The following IKZF1 variants were observed in gnomAD, a reference collection of about 807,000 sequenced individuals.
IKZF1 encodes the protein DNA-binding protein Ikaros.
In IKZF1, 10 loss-of-function variants were observed where a neutral mutation model predicts 51.7. That is an observed-to-expected ratio of 0.19 (90% CI 0.12 to 0.33). The LOEUF (loss-of-function observed/expected upper bound fraction) is 0.33, where lower values mean the gene tolerates loss of function less well. IKZF1 is among the 10% of genes least tolerant of loss of function. The pLI is 1.00. For missense variants in IKZF1, 484 were observed against 707.5 expected (o/e 0.68, Z 3.58); for synonymous variants, 280 against 282.3 (o/e 0.99, Z 0.08).
At chr7:50,318,169 A>G (rs988474024) in intron 1 of IKZF1, among the ~76,000 whole-genome samples, 1 of 151,940 alleles carries the variant, frequency 6.6e-6, no homozygotes, top group East Asian at 1.9e-4. Flanking sequence ...GCGAAAACAC[A>G]GAACACCTTT....
intron 3 of IKZF1, among the ~76,000 whole-genome samples, chr7:50,344,980 A>C (rs1232383865): frequency 6.6e-6 from 1 of 151,952 alleles, no homozygotes; most frequent in African/African-American, 2.4e-5. Flanking sequence ...GATTTTTGCC[A>C]TTAAAAGTAA....
intron 3 of IKZF1, among the ~76,000 whole-genome samples, chr7:50,343,745 T>C (rs900017269): frequency 2.6e-5 from 4 of 152,260 alleles, no homozygotes; most frequent in Non-Finnish European, 2.9e-5. Flanking sequence ...CACACATGCC[T>C]GGAAGACCTA....
intron 3 of IKZF1, among the ~76,000 whole-genome samples, chr7:50,360,478 A>G (rs1804872403): frequency 6.6e-6 from 1 of 152,222 alleles, no homozygotes; most frequent in Admixed American, 6.5e-5. Context: ...AAATGCACAT[A>G]CAATAACCCC....
At chr7:50,377,014 A>C (rs1289792107) in intron 4 of IKZF1, 3 of 705,190 alleles carry the variant, frequency 4.3e-6, no homozygotes, top group Non-Finnish European at 6.8e-6. Context: ...CACCCTATAA[A>C]TAAAACAAGG....
intron 3 of IKZF1, among the ~76,000 whole-genome samples, chr7:50,357,399 A>C (rs1035218728): frequency 4.0e-5 from 1 of 25,236 alleles, no homozygotes; most frequent in African/African-American, 1.7e-4. Context: ...CCCCACCTCC[A>C]CTTGTTGAGA....
At chr7:50,314,623 A>G (rs1176102926) in intron 1 of IKZF1, among the ~76,000 whole-genome samples, 3 of 152,150 alleles carry the variant, frequency 2.0e-5, no homozygotes, top group Non-Finnish European at 2.9e-5. Flanking sequence ...ATTTGTCTAG[A>G]CTCAGCTTGT....
At chr7:50,327,436 A>G (rs1795303420) in intron 2 of IKZF1, 2 of 459,126 alleles carry the variant, frequency 4.4e-6, no homozygotes, top group South Asian at 5.0e-5. Context: ...TCCCTTTTGC[A>G]CATCTATGTT....
chr7:50,366,657 G>A (rs1302659521), intron 3 of IKZF1, among the ~76,000 whole-genome samples: 3 of 152,194 alleles, frequency 2.0e-5, no homozygotes, highest in Non-Finnish European at 4.4e-5. Context: ...TTTAGTCAGA[G>A]TTTTGTACTC....
intron 3 of IKZF1, among the ~76,000 whole-genome samples, chr7:50,355,915 A>G (rs1352860051): frequency 6.6e-6 from 1 of 152,188 alleles, no homozygotes; most frequent in African/African-American, 2.4e-5. Context: ...TGAAAATGCT[A>G]GATAAGGACT....
intron 1 of IKZF1, among the ~76,000 whole-genome samples, chr7:50,314,721 G>A (rs1791057954): frequency 6.6e-6 from 1 of 152,216 alleles, no homozygotes; most frequent in African/African-American, 2.4e-5. Context: ...GCTGGAGGCA[G>A]CTCAGAGGCC....
intron 4 of IKZF1, among the ~76,000 whole-genome samples, chr7:50,379,720 C>T (rs1386953289): frequency 6.6e-6 from 1 of 152,202 alleles, no homozygotes; most frequent in Non-Finnish European, 1.5e-5. Flanking sequence ...AAACAGCACC[C>T]TAATGGCACT....
intron 7 of IKZF1, among the ~76,000 whole-genome samples, chr7:50,392,483 C>A (rs751152388): frequency 6.6e-6 from 1 of 152,142 alleles, no homozygotes. Flanking sequence ...TCCAGCCAGA[C>A]GCTGCAGGGA....
At chr7:50,314,150 G>A (rs774722426) in intron 1 of IKZF1, among the ~76,000 whole-genome samples, 25 of 151,864 alleles carry the variant, frequency 1.6e-4, no homozygotes, top group East Asian at 5.8e-4. Context: ...TCGCTCTGTC[G>A]CCCAGGCTGG....
chr7:50,325,110 T>A (rs1467513265), intron 2 of IKZF1, among the ~76,000 whole-genome samples: 1 of 152,092 alleles, frequency 6.6e-6, no homozygotes, highest in Non-Finnish European at 1.5e-5. Flanking sequence ...GTCATTTCTA[T>A]GAAGGTACTT....
chr7:50,404,542 A>C lies in IKZF1; in HGVS notation c.*3915A>C. Reference sequence around the variant, plus strand: ...ATGAGATCCCAATATGAGAGGGAGAAGAGATGGGCCTCAGGACAGCTGCAA... The same window carrying C: ...ATGAGATCCCAATATGAGAGGGAGACGAGATGGGCCTCAGGACAGCTGCAA... On this transcript the variant is annotated 3_prime_UTR_variant, in exon 8 of 8. Coordinates refer to ENST00000331340, the MANE Select transcript of IKZF1 (RefSeq NM_006060.6). The C allele has an allele frequency of 4.4e-6, 1 of 229,470 alleles. No individual in the cohort carries two copies. Among genetic ancestry groups the C allele is most frequent in the Non-Finnish European group, 8.6e-6 (1 of 115,616 alleles). 14.2% of individuals were successfully genotyped at this position (229,470 alleles called of 1,614,324 possible). A position where few individuals can be genotyped will look rare whatever the true frequency, so the allele number is the denominator to read the frequency against.
chr7:50,325,283 A>T (rs964934761), intron 2 of IKZF1, among the ~76,000 whole-genome samples: 1 of 150,450 alleles, frequency 6.6e-6, no homozygotes, highest in Non-Finnish European at 1.5e-5. Context: ...GCCACCAAAA[A>T]AAAAAAAAAA....
chr7:50,339,215 T>TTGTG (rs1158908841), intron 3 of IKZF1, among the ~76,000 whole-genome samples: 20,578 of 126,228 alleles, frequency 0.16, 1,994 homozygotes, highest in African/African-American at 0.24. Context: ...TTGGGTAGGG[T>TTGTG]TGTGTGTGTG....
rs1408945141 is a variant in IKZF1, at chr7:50,376,486, T to G, written c.161-47T>G. 1 of 1,592,986 alleles carries G rather than the reference T, an allele frequency of 6.3e-7. No homozygotes were observed. The highest frequency in any genetic ancestry group is 8.5e-7 in the Non-Finnish European group (1 of 1,170,442). ...TGCTGCTGTGTTGTTTTGTTGAGTT[T>G]TTTTTTTGCAATGACACTGAGTGGC... is the stretch of plus-strand genomic sequence containing the variant. On this transcript the variant is annotated intron_variant, in intron 3 of 7. Coordinates refer to ENST00000331340, the MANE Select transcript of IKZF1 (RefSeq NM_006060.6). This position sits in a 1 kb window ranked among gnomAD's most constrained non-coding sequence, Gnocchi z 4.5.
rs903774929 is a variant in IKZF1 at position 50,404,807 on chromosome 7, A to G, written c.*4180A>G. On this transcript the variant is annotated 3_prime_UTR_variant, in exon 8 of 8. Coordinates refer to ENST00000331340, the MANE Select transcript of IKZF1 (RefSeq NM_006060.6). Reference sequence around the variant, plus strand: ...TCACTACCTTGTCTTTTACATAGTCATAAGAATTATCCTCAACATAGCCTT... The same window carrying G: ...TCACTACCTTGTCTTTTACATAGTCGTAAGAATTATCCTCAACATAGCCTT... 12 of 227,770 alleles carry G rather than the reference A, an allele frequency of 5.3e-5. No individual in the cohort carries two copies. The highest frequency in any genetic ancestry group is 2.7e-4 in the African/African-American group (12 of 45,018). 14.1% of individuals were successfully genotyped at this position (227,770 alleles called of 1,614,324 possible). A position where few individuals can be genotyped will look rare whatever the true frequency, so the allele number is the denominator to read the frequency against.
Sources: gnomAD v4.1 joint callset for allele counts (sites outside exome capture counted in the v4.1 genomes callset) on GRCh38, gnomAD v4.1.1 for gene constraint, Gnocchi (gnomAD v3.1) non-coding constraint, MANE v1.5 for transcripts, NCBI Gene and HGNC (gene_info 2026-07-23, HGNC 2026-07-21) for gene names.